Variants in PATJ observed in about 807,000 individuals in gnomAD.
PATJ encodes PATJ crumbs cell polarity complex component, also known as inaD-like protein.
Under a neutral mutation model 224.9 loss-of-function variants are expected in PATJ, and 190 were observed. The observed-to-expected ratio is 0.84, with a 90% CI of 0.75 to 0.95. The LOEUF is 0.95. Among genes scored for constraint, PATJ ranks in the 40% least tolerant of loss-of-function variants. The pLI is 0.00. For missense variants in PATJ, 2,121 were observed against 2,270.3 expected (o/e 0.93, Z 1.34); for synonymous variants, 769 against 820.3 (o/e 0.94, Z 1.07).
At chr1:61,798,084 G>A (rs141016170) in intron 11 of PATJ, among the ~76,000 whole-genome samples, 220 of 152,308 alleles carry the variant, frequency 1.4e-3, no homozygotes, top group African/African-American at 5.1e-3. Flanking sequence ...GTAATTACAC[G>A]TGTGAGCCAC....
At chr1:61,782,154 C>T (rs1038111232) in intron 7 of PATJ, among the ~76,000 whole-genome samples, 3 of 152,198 alleles carry the variant, frequency 2.0e-5, no homozygotes, top group Non-Finnish European at 4.4e-5. Flanking sequence ...ATCTAAGCTC[C>T]CAGGTGTTAG....
At chr1:62,100,374 T>A (rs748241204) in intron 33 of PATJ, 1 of 718,450 alleles carries the variant, frequency 1.4e-6, no homozygotes, top group Non-Finnish European at 2.6e-6. Context: ...AGGGCCTTCA[T>A]GCTGCATCAT....
intron 29 of PATJ, among the ~76,000 whole-genome samples, chr1:62,032,132 G>A (rs976894544): frequency 1.3e-5 from 2 of 152,108 alleles, no homozygotes; most frequent in Admixed American, 6.5e-5. Flanking sequence ...AAGTCAAGGC[G>A]TTGGTCAGGC....
At chr1:61,760,199 G>A (rs1645886337) in intron 1 of PATJ, among the ~76,000 whole-genome samples, 1 of 152,136 alleles carries the variant, frequency 6.6e-6, no homozygotes, top group African/African-American at 2.4e-5. Flanking sequence ...TTTTTTTGAT[G>A]CTCTATTCAG....
chr1:61,848,478 G>A (rs572933030), intron 17 of PATJ, among the ~76,000 whole-genome samples: 1 of 152,158 alleles, frequency 6.6e-6, no homozygotes, highest in African/African-American at 2.4e-5. Context: ...AAATCTGTGT[G>A]TGAGTGTACG....
At chr1:62,133,374 G>A (rs1666463443) in intron 41 of PATJ, among the ~76,000 whole-genome samples, 2 of 152,248 alleles carry the variant, frequency 1.3e-5, no homozygotes, top group South Asian at 4.1e-4. Flanking sequence ...CTGAGGTCAG[G>A]AGTTTGAGAC....
At chr1:61,812,165 T>C (rs1243850997) in intron 14 of PATJ, among the ~76,000 whole-genome samples, 1 of 152,148 alleles carries the variant, frequency 6.6e-6, no homozygotes, top group Non-Finnish European at 1.5e-5. Context: ...GTAATTCCAA[T>C]ATCTGGATCA....
intron 33 of PATJ, among the ~76,000 whole-genome samples, chr1:62,106,516 T>C (rs145357414): frequency 1.3e-3 from 200 of 152,048 alleles, no homozygotes; most frequent in African/African-American, 4.6e-3. Context: ...AGGTTTGGTG[T>C]GGGTGTGAGT....
chr1:62,144,423 G>A (rs1478133179), intron 41 of PATJ, among the ~76,000 whole-genome samples: 1 of 152,078 alleles, frequency 6.6e-6, no homozygotes, highest in Non-Finnish European at 1.5e-5. Flanking sequence ...AGGCAGCTGT[G>A]CCCTCTGTTG....
rs1305871462 is a variant in PATJ, at chr1:61,956,176, C to G, written c.3670+28347C>G. On this transcript the variant is annotated intron_variant, in intron 27 of 43. Coordinates refer to ENST00000642238, the MANE Select transcript of PATJ (RefSeq NM_001350145.3). ...TTCTCAGCACAAACTGACTTATCTT[C>G]CATTGCGGAGGAAGGTCTGCATTTG... Among the ~76,000 whole-genome samples, 3 of 152,154 alleles carry G rather than the reference C, an allele frequency of 2.0e-5. No individual in the cohort carries two copies. The East Asian group carries it at 5.8e-4, about 29-fold the overall frequency.
intron 22 of PATJ, among the ~76,000 whole-genome samples, chr1:61,889,484 C>T (rs1368684337): frequency 6.6e-6 from 1 of 152,144 alleles, no homozygotes; most frequent in East Asian, 1.9e-4. Context: ...GTGCCTGAAA[C>T]CACAGACAGT....
intron 35 of PATJ, chr1:62,114,459 GACTGATATATTTCTGTACAGAGTAAGAAC>G (rs1478106725): frequency 2.5e-5 from 13 of 523,970 alleles, no homozygotes; most frequent in Non-Finnish European, 4.0e-5. Context: ...AATCAATCCA[GACTGATATATTTCTGTACAGAGTAAGAAC>G]AACTAGCAAG....
intron 27 of PATJ, among the ~76,000 whole-genome samples, chr1:61,937,021 A>G (rs546856022): frequency 3.7e-4 from 57 of 152,352 alleles, no homozygotes; most frequent in African/African-American, 1.3e-3. Flanking sequence ...GCAATGACTC[A>G]TAGCTTCGAG....
chr1:61,782,582 G>C (rs1457865087), intron 7 of PATJ, among the ~76,000 whole-genome samples: 2 of 152,072 alleles, frequency 1.3e-5, no homozygotes, highest in African/African-American at 4.8e-5. Flanking sequence ...TTGATTTATA[G>C]GAATCTTTTA....
chr1:62,134,537 G>T (rs1360902191), intron 41 of PATJ, among the ~76,000 whole-genome samples: 1 of 149,076 alleles, frequency 6.7e-6, no homozygotes, highest in African/African-American at 2.5e-5. Context: ...TAGAGACGGG[G>T]TTTCACCATG....
intron 27 of PATJ, among the ~76,000 whole-genome samples, chr1:61,965,112 A>G (rs1681903637): frequency 8.9e-6 from 1 of 112,764 alleles, no homozygotes. Context: ...ACTGAAGGAG[A>G]CTCTGTCTCA....
intron 27 of PATJ, among the ~76,000 whole-genome samples, chr1:61,976,610 CT>C (rs1644145665): frequency 6.6e-6 from 1 of 151,874 alleles, no homozygotes; most frequent in African/African-American, 2.4e-5. Flanking sequence ...GTGTCTCCAT[CT>C]TGGCCAGGCT....
chr1:61,974,405 C>CTCTT (rs1434777894), intron 27 of PATJ, among the ~76,000 whole-genome samples: 27 of 64,272 alleles, frequency 4.2e-4, no homozygotes, highest in African/African-American at 1.7e-3. Flanking sequence ...CTCTCTCTCT[C>CTCTT]TTTTTTTTTT....
chr1:61,967,474 TAA>T (rs1557960113), intron 27 of PATJ, among the ~76,000 whole-genome samples: 1 of 152,200 alleles, frequency 6.6e-6, no homozygotes, highest in African/African-American at 2.4e-5. Flanking sequence ...GAAAAAAAGA[TAA>T]GAGTGCTAAG....
Sources: gnomAD v4.1 joint callset for allele counts (sites outside exome capture counted in the v4.1 genomes callset) on GRCh38, gnomAD v4.1.1 for gene constraint, MANE v1.5 for transcripts, NCBI Gene and HGNC (gene_info 2026-07-23, HGNC 2026-07-21) for gene names.